Variants in TAF1C observed in about 807,000 individuals in gnomAD.
The protein encoded by TAF1C is TATA box-binding protein-associated factor RNA polymerase I subunit C.
In TAF1C, 79 loss-of-function variants were observed where a neutral mutation model predicts 70.5. The ratio of observed to expected loss-of-function variants is 1.12; its 90% CI spans 0.93 to 1.35. The LOEUF (loss-of-function observed/expected upper bound fraction) is 1.35, where lower values mean the gene tolerates loss of function less well. Ranked by LOEUF, TAF1C falls within the 40% of genes most tolerant of loss-of-function variation. TAF1C has a pLI of 0.00. For synonymous variants in TAF1C, 614 were observed against 491.1 expected, an observed-to-expected ratio of 1.25 and a Z score of -3.31; for missense variants, 1,412 against 1,127.8, an observed-to-expected ratio of 1.25 and a Z score of -3.61.
chr16:84,180,046 G>A lies in TAF1C; in HGVS notation c.1521C>T (p.Pro507=), dbSNP rs4150168. 114,051 of 1,607,252 alleles carry A rather than the reference G, an allele frequency of 0.071. 4,577 individuals carry two copies. The highest frequency in any genetic ancestry group is 0.084 in the Non-Finnish European group (99,495 of 1,177,514). The change falls in exon 14 of 15, where the codon CCC becomes CCT. Residue 507 remains proline (P), a synonymous_variant. Transcript: ENST00000566732. ...AGTCGATCCTGGAAGGAAGAGACTG[G>A]GGGGGGCCTGCCAGGCGGGGCACCG... ...GASVPRLAGP[P]QSLPSRIDSL... is the part of the protein sequence containing the mutation.
chr16:84,186,204 T>G (rs3785036), intron 1 of TAF1C, among the ~76,000 whole-genome samples: 13,131 of 152,296 alleles, frequency 0.086, 677 homozygotes, highest in South Asian at 0.18. Context: ...TCCGAACCAG[T>G]GCTCTCGCAT....
rs577472767 is a variant in TAF1C at position 84,181,067 on chromosome 16, A to G, written c.1284T>C (p.Pro428=). 89 of 1,611,544 alleles carry G rather than the reference A, an allele frequency of 5.5e-5. No individual in the cohort carries two copies. In the African/African-American group the frequency reaches 1.0e-3, roughly 18 times the overall value. ...LGHSSPKCLP[P]TLHLVCTQFS... is the part of the protein sequence containing the mutation. ...CCTGGGTACAGACGAGATGAAGAGT[A>G]GGGGGGAGGCATTTGGGGCTGGAGT... is the stretch of plus-strand genomic sequence containing the variant. Residue 428 remains proline (P), a synonymous_variant, in exon 12 of 15, where the codon CCT becomes CCC. Coordinates refer to ENST00000566732, the MANE Select transcript of TAF1C (RefSeq NM_001243156.2).
chr16:84,180,162 A>ACC lies in TAF1C; in HGVS notation c.1483+6_1483+7dup. 6.4e-7 allele frequency: 1 copy of ACC among 1,557,758 alleles called. No individual in the cohort carries two copies. Among genetic ancestry groups the ACC allele is most frequent in the Non-Finnish European group, 8.6e-7 (1 of 1,159,460 alleles). ...CCACACGCCGCCCACCCTGGCCTGG[A>ACC]CCCTCACCTGCCAGGTGCAGCAGCT... On this transcript the variant is annotated splice_region_variant and intron_variant, in intron 13 of 14. Coordinates refer to ENST00000566732, the MANE Select transcript of TAF1C (RefSeq NM_001243156.2).
rs776341488 is a variant in TAF1C, at chr16:84,181,386, G to A, written c.1106C>T (p.Ala369Val). Residue 369 changes from alanine to valine, a missense_variant, in exon 11 of 15, where the codon GCG becomes GTG. By Grantham distance (64) the Ala-to-Val change is moderately conservative. Transcript: ENST00000566732. ...SSSWRWADFT[A>V]HPRVLTVGDR... ...ACCCACGGTCAGCACCCGAGGGTGC[G>A]CAGTGAAGTCTGCCCAACGCCACGA... 3.5e-5 allele frequency: 57 copies of A among 1,613,702 alleles called. No individual in the cohort carries two copies. Among genetic ancestry groups the A allele is most frequent in the Middle Eastern group, 1.6e-4 (1 of 6,084 alleles).
chr16:84,183,369 T>C, intron 4 of TAF1C, 36 bp from the exon 5 acceptor site: 1 of 1,613,640 alleles, frequency 6.2e-7, no homozygotes, highest in Non-Finnish European at 8.5e-7. Flanking sequence ...CTAAGCACAG[T>C]CTCCAGGCTA....
intron 1 of TAF1C, 61 bp downstream of exon 1, chr16:84,186,840 C>A (rs554984535): frequency 6.6e-6 from 1 of 152,280 alleles, no homozygotes; most frequent in African/African-American, 2.4e-5. Flanking sequence ...CCTCCTACAT[C>A]TGCGGGTCCG....
rs919429419 is a variant in TAF1C, at chr16:84,182,426, T to G, written c.497A>C (p.Tyr166Ser). Reference protein sequence around the residue: ...GHQPWGCPWAYLSNRQRRFSI... With the variant: ...GHQPWGCPWASLSNRQRRFSI... ...GAAGCGGCGCTGTCGGTTGCTGAGG[T>G]AAGCCCAGGGACACCTGGGGACCAG... Residue 166 changes from tyrosine to serine, a missense_variant, in exon 7 of 15, where the codon TAC (tyrosine) becomes TCC (serine). By Grantham distance (144) the Tyr-to-Ser change is moderately radical (BLOSUM62 -2). Transcript: ENST00000566732. The surrounding 1 kb of genome is among the most constrained non-coding windows in gnomAD (Gnocchi z 5.0). 6.9e-6 allele frequency: 11 copies of G among 1,602,620 alleles called. No homozygotes were observed. Among genetic ancestry groups the G allele is most frequent in the Non-Finnish European group, 9.3e-6 (11 of 1,177,220 alleles).
rs1215950927 is a variant in TAF1C, at chr16:84,178,369, A to G, written c.*572T>C. On this transcript the variant is annotated 3_prime_UTR_variant, in exon 15 of 15. Coordinates refer to ENST00000566732, the MANE Select transcript of TAF1C (RefSeq NM_001243156.2). ...GACGCTGTCCAGCCTAAAAAACGTG[A>G]CCATTCCAATTCATCTTCAGCTGCC... 1 of 456,816 alleles carries G rather than the reference A, an allele frequency of 2.2e-6. No individual in the cohort carries two copies. The highest frequency in any genetic ancestry group is 4.4e-6 in the Non-Finnish European group (1 of 227,252). 28.3% of individuals were successfully genotyped at this position (456,816 alleles called of 1,614,324 possible).
chr16:84,184,738 A>G, intron 2 of TAF1C, 113 bp downstream of exon 2: 1 of 1,349,058 alleles, frequency 7.4e-7, no homozygotes, highest in Non-Finnish European at 1.0e-6. Context: ...GTCTCAGCAG[A>G]CTCGTGTGAA....
Position 84,182,419 on chromosome 16 carries a change from G to T in TAF1C, c.504C>A (p.Ser168Arg). 1 of 1,603,200 alleles carries T rather than the reference G, an allele frequency of 6.2e-7. No individual in the cohort carries two copies. Reference protein sequence around the residue: ...QPWGCPWAYLSNRQRRFSILG... With the variant: ...QPWGCPWAYLRNRQRRFSILG... ...GGATAGAGAAGCGGCGCTGTCGGTT[G>T]CTGAGGTAAGCCCAGGGACACCTGG... is the stretch of plus-strand genomic sequence containing the variant. The change falls in exon 7 of 15, where the codon AGC becomes AGA. Residue 168 changes from serine (S) to arginine (R), a missense_variant. Ser to Arg is a moderately radical substitution (Grantham distance 110). Coordinates refer to ENST00000566732, the MANE Select transcript of TAF1C (RefSeq NM_001243156.2). The surrounding 1 kb of genome is among the most constrained non-coding windows in gnomAD (Gnocchi z 5.0).
At position 84,182,012 on chromosome 16, in the gene TAF1C, A is replaced by T; in HGVS notation, c.768T>A (p.Leu256=). 1 of 1,613,506 alleles carries T rather than the reference A, an allele frequency of 6.2e-7. No individual in the cohort carries two copies. Among genetic ancestry groups the T allele is most frequent in the Non-Finnish European group, 8.5e-7 (1 of 1,179,978 alleles). Residue 256 remains leucine (L), a synonymous_variant, in exon 8 of 15, where the codon CTT becomes CTA. Transcript: ENST00000566732. This position sits in a 1 kb window ranked among gnomAD's most constrained non-coding sequence, Gnocchi z 5.0. Reference sequence around the variant, plus strand: ...GGAGCTGGATGCGTCCAGGTTTCCCAAGGAATTGGGGATTGTCACCTGGGG... The same window carrying T: ...GGAGCTGGATGCGTCCAGGTTTCCCTAGGAATTGGGGATTGTCACCTGGGG... ...VLTPGDNPQF[L]GKPGRIQLQG...
At chr16:84,186,839 T>C (rs372397116) in intron 1 of TAF1C, 62 bp downstream of exon 1, 1 of 152,306 alleles carries the variant, frequency 6.6e-6, no homozygotes, top group East Asian at 1.9e-4. Flanking sequence ...CCCTCCTACA[T>C]CTGCGGGTCC....
At chr16:84,186,010 TAAC>T (rs1169557465) in intron 1 of TAF1C, among the ~76,000 whole-genome samples, 2 of 152,012 alleles carry the variant, frequency 1.3e-5, no homozygotes, top group Non-Finnish European at 2.9e-5. Flanking sequence ...GGGGCAAAAA[TAAC>T]AGCAGCGCTC....
At position 84,184,854 on chromosome 16, in the gene TAF1C, T is replaced by C; in HGVS notation, c.135A>G (p.Ser45=). 3 of 1,604,086 alleles carry C rather than the reference T, an allele frequency of 1.9e-6. No individual in the cohort carries two copies. Among genetic ancestry groups the C allele is most frequent in the African/African-American group, 1.3e-5 (1 of 74,862 alleles). ...LTLPEAQPQN[S]ENGALHVTKD... ...GGCCCCCTGCCTGCATCCTCACCTC[T>C]GAGTTCTGGGGCTGGGCCTCTGGCA... is the stretch of plus-strand genomic sequence containing the variant. Residue 45 remains serine, a synonymous_variant, in exon 2 of 15, where the codon TCA becomes TCG. Transcript: ENST00000566732.
At position 84,179,540 on chromosome 16, in the gene TAF1C, T is replaced by G. The variant is rs758275081; in HGVS notation, c.1933A>C (p.Arg645=). 1.2e-6 allele frequency: 2 copies of G among 1,609,634 alleles called. No homozygotes were observed. Among genetic ancestry groups the G allele is most frequent in the Non-Finnish European group, 1.7e-6 (2 of 1,178,220 alleles). The change falls in exon 15 of 15, where the codon AGG becomes CGG. Residue 645 remains arginine, a synonymous_variant. Transcript: ENST00000566732. ...RQMLGSTELR[R]EEEEGQRLGV... Reference sequence around the variant, plus strand: ...AGCCGCTGCCCTTCCTCTTCCTCCCTCCGCAGCTCTGTGCTGCCCAGCATC... The same window carrying G: ...AGCCGCTGCCCTTCCTCTTCCTCCCGCCGCAGCTCTGTGCTGCCCAGCATC...
At position 84,182,150 on chromosome 16, in the gene TAF1C, C is replaced by A; in HGVS notation, c.721+52G>T. On this transcript the variant is annotated intron_variant, in intron 7 of 14. Transcript: ENST00000566732. The surrounding 1 kb of genome is among the most constrained non-coding windows in gnomAD (Gnocchi z 5.0). ...TCTCTGGACCATGCCAAGAGCACCT[C>A]CTCTACCAGAGGCGAGCCCGCTGGA... is the stretch of plus-strand genomic sequence containing the variant. The A allele has an allele frequency of 6.3e-7, 1 of 1,591,570 alleles. No individual in the cohort carries two copies. The highest frequency in any genetic ancestry group is 1.1e-5 in the South Asian group (1 of 87,812).
rs557989215 is a variant in TAF1C, at chr16:84,179,137, T to G, written c.2336A>C (p.Gln779Pro). 9 of 1,607,884 alleles carry G rather than the reference T, an allele frequency of 5.6e-6. No homozygotes were observed. In the African/African-American group the frequency reaches 1.2e-4, roughly 21 times the overall value. ...CTGCCGCTGCTCTGATGGGACGCCC[T>G]GGGCGCATGCATCCGGAGTCAACTC... ...SQELTPDACA[Q>P]GVPSEQRQML... The change falls in exon 15 of 15, where the codon CAG becomes CCG. Residue 779 changes from glutamine (Q) to proline (P), a missense_variant. Physicochemically the swap from Gln to Pro is moderately conservative, Grantham distance 76 (BLOSUM62 -1). Coordinates refer to ENST00000566732, the MANE Select transcript of TAF1C (RefSeq NM_001243156.2).
chr16:84,181,784 T>A lies in TAF1C; in HGVS notation c.918A>T (p.Ala306=). Reference sequence around the variant, plus strand: ...CCGTGGCCCCTTTCTCCACCTGCATTGCCTGCAGAAGGGTTGGCTGCCACT... The same window carrying A: ...CCGTGGCCCCTTTCTCCACCTGCATAGCCTGCAGAAGGGTTGGCTGCCACT... ...GKQWQPTLLQ[A]MQVEKGATGI... The change falls in exon 9 of 15, where the codon GCA becomes GCT. Residue 306 remains alanine (A), a synonymous_variant. Coordinates refer to ENST00000566732, the MANE Select transcript of TAF1C (RefSeq NM_001243156.2). The A allele has an allele frequency of 6.2e-7, 1 of 1,613,808 alleles. No individual in the cohort carries two copies. Among genetic ancestry groups the A allele is most frequent in the Non-Finnish European group, 8.5e-7 (1 of 1,179,920 alleles).
rs1469370207 is a variant in TAF1C, at chr16:84,180,160, G to A, written c.1483+10C>T. The A allele has an allele frequency of 1.9e-6, 3 of 1,559,862 alleles. No homozygotes were observed. Among genetic ancestry groups the A allele is most frequent in the Non-Finnish European group, 2.6e-6 (3 of 1,160,336 alleles). ...TCCCACACGCCGCCCACCCTGGCCT[G>A]GACCCTCACCTGCCAGGTGCAGCAG... is the stretch of plus-strand genomic sequence containing the variant. On this transcript the variant is annotated intron_variant, in intron 13 of 14. Coordinates refer to ENST00000566732, the MANE Select transcript of TAF1C (RefSeq NM_001243156.2).
Sources: gnomAD v4.1 joint callset for allele counts (sites outside exome capture counted in the v4.1 genomes callset) on GRCh38, gnomAD v4.1.1 for gene constraint, Gnocchi (gnomAD v3.1) non-coding constraint, MANE v1.5 for transcripts, NCBI Gene and HGNC (gene_info 2026-07-23, HGNC 2026-07-21) for gene names.